Variants in TCTN2 observed in about 807,000 individuals in gnomAD.
TCTN2 encodes the protein tectonic family member 2, also known as tectonic-2.
Under a neutral mutation model 83.4 loss-of-function variants are expected in TCTN2, and 66 were observed. That is an observed-to-expected ratio of 0.79 (90% CI 0.65 to 0.97). The LOEUF (loss-of-function observed/expected upper bound fraction) is 0.97, where lower values mean the gene tolerates loss of function less well. Ranked by LOEUF, TCTN2 falls within the 50% of genes least tolerant of loss-of-function variation. The pLI, the probability that TCTN2 is intolerant of heterozygous loss-of-function variation, is 0.00. For synonymous variants in TCTN2, 301 were observed against 326.7 expected (o/e 0.92, Z 0.85); for missense variants, 794 against 858.1 (o/e 0.93, Z 0.93).
At chr12:123,701,509 C>T (rs923259410) in intron 14 of TCTN2, among the ~76,000 whole-genome samples, 10 of 151,924 alleles carry the variant, frequency 6.6e-5, no homozygotes, top group Non-Finnish European at 1.3e-4. Context: ...GAGGCCGAGG[C>T]GGGTGGATCA....
At chr12:123,686,069 A>G (rs1295538790) in intron 5 of TCTN2, among the ~76,000 whole-genome samples, 1 of 149,950 alleles carries the variant, frequency 6.7e-6, no homozygotes. Context: ...TTATTTTGAG[A>G]CAGAATCTCA....
chr12:123,671,153 C>T lies in TCTN2; in HGVS notation c.-88C>T, dbSNP rs567675895. The T allele has an allele frequency of 3.4e-5, 43 of 1,270,012 alleles. No homozygotes were observed. Among genetic ancestry groups the T allele is most frequent in the South Asian group, 5.1e-5 (4 of 79,082 alleles). The allele number at this position is 1,270,012 out of a possible 1,614,324, so 78.7% of individuals were successfully genotyped here. A position where few individuals can be genotyped will look rare whatever the true frequency, so the allele number is the denominator to read the frequency against. Reference sequence around the variant, plus strand: ...CGCTTGCAAGATGGCGGCGGCGGGGCAGTGGCTGCTGCGTTTTCGTGTCTG... The same window carrying T: ...CGCTTGCAAGATGGCGGCGGCGGGGTAGTGGCTGCTGCGTTTTCGTGTCTG... On this transcript the variant is annotated 5_prime_UTR_variant, in exon 1 of 18. The change creates a premature stop within an existing upstream ORF in the 5' untranslated region. Coordinates refer to ENST00000303372, the MANE Select transcript of TCTN2 (RefSeq NM_024809.5).
At chr12:123,704,281 G>A (rs1423493688) in intron 14 of TCTN2, among the ~76,000 whole-genome samples, 4 of 151,962 alleles carry the variant, frequency 2.6e-5, no homozygotes, top group South Asian at 2.1e-4. Flanking sequence ...CTGGGATTAC[G>A]GCGTTAGCCA....
At chr12:123,694,407 T>G (rs1593856813) in intron 9 of TCTN2, among the ~76,000 whole-genome samples, 1 of 152,356 alleles carries the variant, frequency 6.6e-6, no homozygotes, top group East Asian at 1.9e-4. Flanking sequence ...GGGTGTCTCT[T>G]TCTGATGTGT....
chr12:123,700,131 C>G, intron 14 of TCTN2: 1 of 436,190 alleles, frequency 2.3e-6, no homozygotes, highest in Admixed American at 3.5e-5. Context: ...CCCGCCTCAG[C>G]CTTCCAAGTA....
chr12:123,699,824 G>A lies in TCTN2; in HGVS notation c.1612+14G>A, dbSNP rs904117905. The A allele has an allele frequency of 2.5e-6, 4 of 1,606,890 alleles. No homozygotes were observed. Among genetic ancestry groups the A allele is most frequent in the Admixed American group, 1.7e-5 (1 of 59,968 alleles). On this transcript the variant is annotated intron_variant, in intron 14 of 17. Coordinates refer to ENST00000303372, the MANE Select transcript of TCTN2 (RefSeq NM_024809.5). The stretch of plus-strand genomic sequence containing the variant: ...TCGAAATAATACGTAAGTCAAACCC[G>A]GGTACAATAAAGCCTGTAACTTGGT...
chr12:123,674,627 G>A (rs1219624944), intron 4 of TCTN2, among the ~76,000 whole-genome samples: 1 of 152,170 alleles, frequency 6.6e-6, no homozygotes, highest in East Asian at 1.9e-4. Context: ...GCCAGACGCA[G>A]TGGCTCCCAC....
intron 3 of TCTN2, among the ~76,000 whole-genome samples, chr12:123,673,074 A>G (rs766443068): frequency 2.0e-5 from 3 of 152,068 alleles, no homozygotes; most frequent in Non-Finnish European, 4.4e-5. Context: ...ATAACCACTG[A>G]TCTTGCCCAA....
At chr12:123,690,437 G>A (rs1956026792) in intron 7 of TCTN2, 96 bp from the exon 8 acceptor site, 1 of 1,552,518 alleles carries the variant, frequency 6.4e-7, no homozygotes, top group Non-Finnish European at 8.8e-7. Context: ...AGCAATGGGA[G>A]CAGGCTGCAG....
At chr12:123,686,286 A>G (rs557200865) in intron 5 of TCTN2, among the ~76,000 whole-genome samples, 27 of 152,204 alleles carry the variant, frequency 1.8e-4, no homozygotes, top group African/African-American at 6.0e-4. Flanking sequence ...ACCTCAAGTG[A>G]TCCACCTGCC....
At chr12:123,700,815 G>A (rs1407960798) in intron 14 of TCTN2, among the ~76,000 whole-genome samples, 1 of 152,204 alleles carries the variant, frequency 6.6e-6, no homozygotes, top group African/African-American at 2.4e-5. Context: ...GAATGTGGTG[G>A]CATGTCCCTG....
intron 3 of TCTN2, among the ~76,000 whole-genome samples, chr12:123,672,931 T>C (rs557026050): frequency 6.8e-4 from 103 of 152,200 alleles, no homozygotes; most frequent in African/African-American, 2.2e-3. Flanking sequence ...GTGCCTGTAA[T>C]CTCAGCTACT....
chr12:123,673,060 C>T (rs1353022365), intron 3 of TCTN2, among the ~76,000 whole-genome samples: 1 of 151,838 alleles, frequency 6.6e-6, no homozygotes, highest in African/African-American at 2.4e-5. Context: ...AAAAAAAAAG[C>T]TTCATAACCA....
intron 11 of TCTN2, 131 bp from the exon 12 acceptor site, chr12:123,696,284 T>C: frequency 1.3e-6 from 1 of 750,356 alleles, no homozygotes; most frequent in Non-Finnish European, 2.4e-6. Flanking sequence ...GCCATCTTTC[T>C]CTCAAGGGTA....
intron 9 of TCTN2, among the ~76,000 whole-genome samples, chr12:123,693,349 C>T (rs1241130246): frequency 7.1e-6 from 1 of 140,446 alleles, no homozygotes; most frequent in Non-Finnish European, 1.5e-5. Context: ...TTTTAGGGCA[C>T]AGCATTTTCA....
chr12:123,705,557 CTAGTTCA>C (rs918820014), intron 15 of TCTN2, among the ~76,000 whole-genome samples: 10 of 152,258 alleles, frequency 6.6e-5, no homozygotes, highest in African/African-American at 2.4e-4. Flanking sequence ...CCACATACAG[CTAGTTCA>C]TGGTTCATGG....
At chr12:123,706,591 A>C in intron 15 of TCTN2, 135 bp from the exon 16 acceptor site, 1 of 1,340,860 alleles carries the variant, frequency 7.5e-7, no homozygotes, top group Non-Finnish European at 1.1e-6. Flanking sequence ...AATACTGAGA[A>C]AAAACAGCCC....
intron 15 of TCTN2, 58 bp downstream of exon 15, chr12:123,704,746 C>A (rs1056992364): frequency 1.5e-5 from 24 of 1,567,352 alleles, no homozygotes; most frequent in Non-Finnish European, 2.1e-5. Flanking sequence ...TTGAGAGCAT[C>A]CCAAACAATA....
At chr12:123,672,669 CAGGAGTTCAGGGCTGCAG>C (rs1488635467) in intron 3 of TCTN2, among the ~76,000 whole-genome samples, 1 of 151,974 alleles carries the variant, frequency 6.6e-6, no homozygotes, top group Admixed American at 6.6e-5. Context: ...TATTTGAGCC[CAGGAGTTCAGGGCTGCAG>C]AGAGCTATGA....
Sources: gnomAD v4.1 joint callset for allele counts (sites outside exome capture counted in the v4.1 genomes callset) on GRCh38, gnomAD v4.1.1 for gene constraint, MANE v1.5 for transcripts, NCBI Gene and HGNC (gene_info 2026-07-23, HGNC 2026-07-21) for gene names.